Variants in PTPN5 observed in about 807,000 individuals in gnomAD.
PTPN5 encodes the protein protein tyrosine phosphatase non-receptor type 5, also known as tyrosine-protein phosphatase non-receptor type 5.
PTPN5 carries 29 observed loss-of-function variants against 73.9 expected under a neutral mutation model. The observed-to-expected ratio is 0.39, with a 90% confidence interval of 0.29 to 0.54. The LOEUF (loss-of-function observed/expected upper bound fraction) is 0.54. PTPN5 is among the 20% of genes least tolerant of loss of function. The probability of loss-of-function intolerance (pLI) is 0.65; values close to 1 mark genes in which losing one functional copy is unlikely to be tolerated. For missense variants in PTPN5, 652 were observed against 751.4 expected (o/e 0.87, Z 1.55); for synonymous variants, 267 against 304.7 (o/e 0.88, Z 1.29).
chr11:18,771,939 C>G lies in PTPN5; in HGVS notation c.20G>C (p.Arg7Thr). Residue 7 changes from arginine (R) to threonine (T), a missense_variant and splice_region_variant, in exon 2 of 15, where the codon AGG (arginine) becomes ACG (threonine). Physicochemically the swap from Arg to Thr is moderately conservative, Grantham distance 71. Coordinates refer to ENST00000358540, the MANE Select transcript of PTPN5 (RefSeq NM_006906.2). The part of the protein sequence containing the change: MNYEGA[R>T]SERENHAADD... ...GGGGACGGCGTAAACGCTCACTCAC[C>G]TGGCTCCCTCATAATTCATTCCCAA... is the stretch of plus-strand genomic sequence containing the variant. 1 of 1,589,216 alleles carries G rather than the reference C, an allele frequency of 6.3e-7. No homozygotes were observed. The highest frequency in any genetic ancestry group is 1.8e-5 in the Admixed American group (1 of 55,048).
chr11:18,749,571 C>T (rs1849792987), intron 3 of PTPN5: 1 of 511,812 alleles, frequency 2.0e-6, no homozygotes, highest in South Asian at 1.4e-5. Context: ...GATGAAGCCT[C>T]AAAGTATACA....
Position 18,778,394 on chromosome 11 carries a change from G to A in PTPN5, c.-113-6323C>T, listed in dbSNP as rs115378667. On this transcript the variant is annotated intron_variant, in intron 1 of 14. Coordinates refer to ENST00000358540, the MANE Select transcript of PTPN5 (RefSeq NM_006906.2). ...GCAGAGTCTCTGCCTTCTAGGATTAGGCCTTGTCCACTCTTGCAGCTCTCC... is the reference window on the plus strand; with the variant it reads ...GCAGAGTCTCTGCCTTCTAGGATTAAGCCTTGTCCACTCTTGCAGCTCTCC... 8.5e-3 allele frequency among the ~76,000 whole-genome samples: 1,300 copies of A among 152,280 alleles called. 18 individuals are homozygous for A. The highest frequency in any genetic ancestry group is 0.029 in the African/African-American group (1,215 of 41,542).
chr11:18,754,948 G>A (rs1363661721), intron 3 of PTPN5, among the ~76,000 whole-genome samples: 2 of 152,138 alleles, frequency 1.3e-5, no homozygotes, highest in East Asian at 1.9e-4. Context: ...TCACATCCTT[G>A]TGCAGTCCCT....
intron 9 of PTPN5, among the ~76,000 whole-genome samples, chr11:18,737,342 TCA>T (rs1849160310): frequency 6.6e-6 from 1 of 152,108 alleles, no homozygotes; most frequent in African/African-American, 2.4e-5. Context: ...AATGGGGAGC[TCA>T]CTCCCTGACA....
intron 3 of PTPN5, chr11:18,749,494 G>GTGGGTGGGGGC (rs756336602): frequency 7.8e-6 from 4 of 510,714 alleles, no homozygotes; most frequent in Admixed American, 4.0e-5. Flanking sequence ...AGGGTGGGGG[G>GTGGGTGGGGGC]CAGAACCTTG....
intron 3 of PTPN5, chr11:18,749,473 G>C: frequency 1.9e-6 from 1 of 518,638 alleles, no homozygotes; most frequent in South Asian, 1.4e-5. Context: ...TCCTATGTCT[G>C]GGGTCGGGGG....
In PTPN5 at chr11:18,733,113, T is replaced by C. The variant is rs1848958753; in HGVS notation, c.1218+122A>G. ...CCTTACCGAGCCTCACATCTCCTCA[T>C]CTTGGCAGCGGAGTGAACACCGCCG... On this transcript the variant is annotated intron_variant, in intron 11 of 14. Coordinates refer to ENST00000358540, the MANE Select transcript of PTPN5 (RefSeq NM_006906.2). The surrounding 1 kb of genome is among the most constrained non-coding windows in gnomAD (Gnocchi z 4.3). 5.7e-6 allele frequency: 8 copies of C among 1,414,824 alleles called. No homozygotes were observed. Among genetic ancestry groups the C allele is most frequent in the South Asian group, 4.0e-5 (3 of 75,454 alleles). The allele number at this position is 1,414,824 out of a possible 1,614,324, so 87.6% of individuals were successfully genotyped here.
intron 3 of PTPN5, among the ~76,000 whole-genome samples, chr11:18,764,855 G>C (rs921521951): frequency 6.6e-6 from 1 of 152,166 alleles, no homozygotes; most frequent in African/African-American, 2.4e-5. Context: ...TGGGACTACA[G>C]GCGCCCGCCA....
At chr11:18,754,236 A>G (rs1850025368) in intron 3 of PTPN5, among the ~76,000 whole-genome samples, 1 of 152,134 alleles carries the variant, frequency 6.6e-6, no homozygotes, top group Non-Finnish European at 1.5e-5. Context: ...GGGGGAAACA[A>G]CGAACGGAAA....
intron 1 of PTPN5, among the ~76,000 whole-genome samples, chr11:18,786,018 A>G (rs1460533593): frequency 6.6e-6 from 1 of 152,274 alleles, no homozygotes; most frequent in South Asian, 2.1e-4. Context: ...GCTTGCTTCA[A>G]TGGGGACAAA....
intron 11 of PTPN5, 128 bp from the exon 12 acceptor site, chr11:18,732,830 A>G: frequency 1.4e-6 from 1 of 735,682 alleles, no homozygotes; most frequent in Admixed American, 2.5e-5. Flanking sequence ...TTGGGTTCAA[A>G]TCTCAGCTGC....
At chr11:18,778,004 A>AAGGC in intron 1 of PTPN5, among the ~76,000 whole-genome samples, 1 of 146,870 alleles carries the variant, frequency 6.8e-6, no homozygotes, top group African/African-American at 2.7e-5. Flanking sequence ...GGAAGGAAGG[A>AAGGC]AGGAAGGAAG....
At chr11:18,763,932 C>T (rs954666546) in intron 3 of PTPN5, among the ~76,000 whole-genome samples, 2 of 152,250 alleles carry the variant, frequency 1.3e-5, no homozygotes, top group African/African-American at 4.8e-5. Context: ...CATGCTCTTT[C>T]TTCCTCCACA....
chr11:18,786,118 A>G (rs764450487), intron 1 of PTPN5, among the ~76,000 whole-genome samples: 4 of 152,240 alleles, frequency 2.6e-5, no homozygotes, highest in Non-Finnish European at 5.9e-5. Context: ...GAGTTTTGCC[A>G]GACACCGGTG....
At chr11:18,783,474 C>T (rs1427525949) in intron 1 of PTPN5, among the ~76,000 whole-genome samples, 1 of 152,220 alleles carries the variant, frequency 6.6e-6, no homozygotes, top group Non-Finnish European at 1.5e-5. Context: ...AGGTGTCTCT[C>T]CTGTGTTCCC....
chr11:18,729,671 T>C lies in PTPN5; in HGVS notation c.1477A>G (p.Ile493Val). The C allele has an allele frequency of 6.4e-7, 1 of 1,574,154 alleles. No individual in the cohort carries two copies. Among genetic ancestry groups the C allele is most frequent in the Non-Finnish European group, 8.6e-7 (1 of 1,160,034 alleles). ...GGGAGGACCCACCTGCAGTGGACGA[T>C]GATGGGGGCACAGTGGGGCCCCTCC... Reference protein sequence around the residue: ...QQEGPHCAPIIVHCSAGIGRT... With the variant: ...QQEGPHCAPIVVHCSAGIGRT... The change falls in exon 13 of 15, where the codon ATC becomes GTC. Residue 493 changes from isoleucine (I) to valine (V), a missense_variant. By Grantham distance (29) the Ile-to-Val change is conservative. Around this residue, in one of 3 missense-constraint regions of PTPN5, gnomAD observed 102 missense variants for 160.5 expected, o/e 0.64. Coordinates refer to ENST00000358540, the MANE Select transcript of PTPN5 (RefSeq NM_006906.2). This position sits in a 1 kb window ranked among gnomAD's most constrained non-coding sequence, Gnocchi z 5.2.
Position 18,771,921 on chromosome 11 carries a change from G to A in PTPN5, c.20+18C>T, listed in dbSNP as rs1850920867. The A allele has an allele frequency of 2.5e-6, 4 of 1,596,920 alleles. No individual in the cohort carries two copies. The East Asian group carries it at 6.9e-5, about 28-fold the overall frequency. On this transcript the variant is annotated intron_variant, in intron 2 of 14. Transcript: ENST00000358540. ...TCAGTGGGCGGGTTGCAGGGGGACG[G>A]CGTAAACGCTCACTCACCTGGCTCC... is the stretch of plus-strand genomic sequence containing the variant.
chr11:18,732,539 G>T (rs1030293337), intron 12 of PTPN5, 53 bp downstream of exon 12: 3 of 1,383,744 alleles, frequency 2.2e-6, no homozygotes, highest in South Asian at 1.2e-5. Flanking sequence ...GGAGCCCCCA[G>T]TTAAGCCCCT....
rs934954780 is a variant in PTPN5 at position 18,791,752 on chromosome 11, G to T, written c.-341C>A. On this transcript the variant is annotated 5_prime_UTR_variant, in exon 1 of 15. Coordinates refer to ENST00000358540, the MANE Select transcript of PTPN5 (RefSeq NM_006906.2). The stretch of plus-strand genomic sequence containing the variant: ...GCGCTCCGTCCCGCGCTCCGTGCGC[G>T]CTCCCTCGCCCGACCGCCTCACCAA... 6.6e-6 allele frequency: 1 copy of T among 152,276 alleles called. No homozygotes were observed. The highest frequency in any genetic ancestry group is 1.5e-5 in the Non-Finnish European group (1 of 68,114). 9.4% of individuals were successfully genotyped at this position (152,276 alleles called of 1,614,324 possible).
Sources: gnomAD v4.1 joint callset for allele counts (sites outside exome capture counted in the v4.1 genomes callset) on GRCh38, gnomAD v4.1.1 for gene constraint, gnomAD v4.1.1 regional missense constraint, Gnocchi (gnomAD v3.1) non-coding constraint, MANE v1.5 for transcripts, NCBI Gene and HGNC (gene_info 2026-07-23, HGNC 2026-07-21) for gene names.